COL3A1: variants seen among roughly 807,000 people sequenced by gnomAD.
COL3A1 encodes collagen alpha-1(III) chain.
Under a neutral mutation model 200.9 loss-of-function variants are expected in COL3A1, and 46 were observed. The ratio of observed to expected loss-of-function variants is 0.23; its 90% CI spans 0.18 to 0.29. The LOEUF (loss-of-function observed/expected upper bound fraction) is 0.29, where lower values mean the gene tolerates loss of function less well. COL3A1 is among the 10% of genes least tolerant of loss of function. The pLI is 1.00. For missense variants in COL3A1, 1,367 were observed against 1,917.6 expected (o/e 0.71, Z 5.36); for synonymous variants, 650 against 628.0 (o/e 1.03, Z -0.52).
chr2:189,005,694 GA>G lies in COL3A1; in HGVS notation c.3039+243del, dbSNP rs551600618. On this transcript the variant is annotated intron_variant, in intron 41 of 50. Coordinates refer to ENST00000304636, the MANE Select transcript of COL3A1 (RefSeq NM_000090.4). ...AAAATATTATCTCTAACTAAATTAG[GA>G]AAAAAGTTAGTGGGGAGAACCACAA... The G allele has an allele frequency of 7.4e-4, 393 of 527,786 alleles. 1 individual carries two copies. The highest frequency in any genetic ancestry group is 6.9e-3 in the African/African-American group (357 of 51,438). 32.7% of individuals were successfully genotyped at this position (527,786 alleles called of 1,614,324 possible). A position where few individuals can be genotyped will look rare whatever the true frequency, so the allele number is the denominator to read the frequency against.
At chr2:189,006,881 T>C in intron 43 of COL3A1, 56 bp from the exon 44 acceptor site, 1 of 1,554,816 alleles carries the variant, frequency 6.4e-7, no homozygotes, top group Non-Finnish European at 8.9e-7. Flanking sequence ...CGAAATTGTG[T>C]CAACACATAA....
At position 188,994,794 on chromosome 2, in the gene COL3A1, C is replaced by T; in HGVS notation, c.1418C>T (p.Pro473Leu). The change falls in exon 20 of 51, where the codon CCT becomes CTT. Residue 473 changes from proline to leucine, a missense_variant. This residue lies in a region of COL3A1 where 462 missense variants were observed against 681.4 expected (regional missense o/e 0.68). Transcript: ENST00000304636. The surrounding 1 kb of genome is among the most constrained non-coding windows in gnomAD (Gnocchi z 4.5). ...GGCAAGGATGGATCACCTGGAGAAC[C>T]TGGTGCAAATGGGCTTCCAGGAGCT... Reference protein sequence around the residue: ...EDGKDGSPGEPGANGLPGAAG... With the variant: ...EDGKDGSPGELGANGLPGAAG... 3 of 1,613,528 alleles carry T rather than the reference C, an allele frequency of 1.9e-6. No homozygotes were observed. The highest frequency in any genetic ancestry group is 2.5e-6 in the Non-Finnish European group (3 of 1,179,944).
Position 188,974,474 on chromosome 2 carries a change from T to A in COL3A1, c.-16T>A. 1.9e-6 allele frequency: 3 copies of A among 1,606,238 alleles called. No individual in the cohort carries two copies. Among genetic ancestry groups the A allele is most frequent in the Non-Finnish European group, 2.6e-6 (3 of 1,172,866 alleles). On this transcript the variant is annotated 5_prime_UTR_variant, in exon 1 of 51. An upstream start codon of the reference 5' UTR is lost. Transcript: ENST00000304636. ...TCTCCTTTTTGCACAAAGAGTCTCATGTCTGATATTTAGACATGATGAGCT... is the reference window on the plus strand; with the variant it reads ...TCTCCTTTTTGCACAAAGAGTCTCAAGTCTGATATTTAGACATGATGAGCT...
intron 40 of COL3A1, 49 bp from the exon 41 acceptor site, chr2:189,005,301 A>G: frequency 6.8e-7 from 1 of 1,473,450 alleles, no homozygotes; most frequent in Middle Eastern, 1.7e-4. Flanking sequence ...CACCATTTTA[A>G]TTGATTTCTT....
At chr2:188,995,488 A>G (rs1472267984) in intron 21 of COL3A1, 2 of 569,022 alleles carry the variant, frequency 3.5e-6, no homozygotes, top group Non-Finnish European at 6.3e-6. Context: ...TTTATTAAGC[A>G]TGTGATGTTC....
At chr2:188,978,071 T>C in intron 1 of COL3A1, 1 of 414,022 alleles carries the variant, frequency 2.4e-6, no homozygotes, top group Non-Finnish European at 4.8e-6. Flanking sequence ...CCTTGAAAAA[T>C]TTGGATTTTC....
At chr2:189,007,714 A>G (rs1376442453) in intron 45 of COL3A1, 107 bp downstream of exon 45, 3 of 1,243,130 alleles carry the variant, frequency 2.4e-6, no homozygotes, top group Non-Finnish European at 3.5e-6. Flanking sequence ...AGAGATGAGA[A>G]ATGGATTTGA....
At chr2:188,985,292 A>ATTCTAGTAAGAGTTTGCTTT in intron 3 of COL3A1, 45 bp downstream of exon 3, 1 of 1,483,944 alleles carries the variant, frequency 6.7e-7, no homozygotes, top group East Asian at 2.3e-5. Context: ...ACTAATGATA[A>ATTCTAGTAAGAGTTTGCTTT]TTCTAGTAAG....
At position 188,974,539 on chromosome 2, in the gene COL3A1, A is replaced by T. The variant is rs1311785540; in HGVS notation, c.50A>T (p.His17Leu). ...AGCTGGCTACTTCTCGCTCTGCTTCATCCCACTATTATTTTGGCACAACAG... is the reference window on the plus strand; with the variant it reads ...AGCTGGCTACTTCTCGCTCTGCTTCTTCCCACTATTATTTTGGCACAACAG... ...KGSWLLLALL[H>L]PTIILAQQEA... The change falls in exon 1 of 51, where the codon CAT becomes CTT. Residue 17 changes from histidine to leucine, a missense_variant. Physicochemically the swap from His to Leu is moderately conservative, Grantham distance 99. This residue lies in a region of COL3A1 where 55 missense variants were observed against 51.5 expected (regional missense o/e 1.07). Coordinates refer to ENST00000304636, the MANE Select transcript of COL3A1 (RefSeq NM_000090.4). The T allele has an allele frequency of 1.2e-6, 2 of 1,613,960 alleles. No individual in the cohort carries two copies. Among genetic ancestry groups the T allele is most frequent in the Non-Finnish European group, 1.7e-6 (2 of 1,179,954 alleles).
In COL3A1 at chr2:188,989,333, G is replaced by A; in HGVS notation, c.637-63G>A. On this transcript the variant is annotated intron_variant, in intron 7 of 50. Transcript: ENST00000304636. Reference sequence around the variant, plus strand: ...TTCCTTCCAGGAATACATACACTGTGTAATAATAAATTGTAACAGAAAAAT... The same window carrying A: ...TTCCTTCCAGGAATACATACACTGTATAATAATAAATTGTAACAGAAAAAT... The A allele has an allele frequency of 4.1e-6, 5 of 1,221,936 alleles. No homozygotes were observed. The Middle Eastern group carries it at 7.8e-4, about 192-fold the overall frequency. 75.7% of individuals were successfully genotyped at this position (1,221,936 alleles called of 1,614,324 possible).
chr2:188,976,727 A>G (rs1292735738), intron 1 of COL3A1, among the ~76,000 whole-genome samples: 1 of 152,158 alleles, frequency 6.6e-6, no homozygotes, highest in Admixed American at 6.5e-5. Flanking sequence ...CTCAAAAAGA[A>G]TTTTGGTCGT....
At chr2:188,983,103 A>T (rs1302916823) in intron 1 of COL3A1, among the ~76,000 whole-genome samples, 2 of 151,958 alleles carry the variant, frequency 1.3e-5, no homozygotes, top group Non-Finnish European at 2.9e-5. Flanking sequence ...ACTAAGAATT[A>T]AGAAATGCTG....
intron 29 of COL3A1, 49 bp from the exon 30 acceptor site, chr2:188,999,236 T>C: frequency 2.0e-6 from 3 of 1,515,240 alleles, no homozygotes; most frequent in Non-Finnish European, 2.7e-6. Context: ...GGTGCTTTGT[T>C]TTTAGCTTTG....
rs1688228440 is a variant in COL3A1, at chr2:188,993,355, C to A, written c.1051-6C>A. 1 of 1,563,702 alleles carries A rather than the reference C, an allele frequency of 6.4e-7. No homozygotes were observed. ...AGAAACTGACTACACAAGGTTTTAC[C>A]ATTAGGGTGAAGTTGGACCTGCAGG... On this transcript the variant is annotated splice_region_variant and splice_polypyrimidine_tract_variant and intron_variant, in intron 15 of 50. Transcript: ENST00000304636.
At chr2:188,975,620 A>G (rs1687792652) in intron 1 of COL3A1, among the ~76,000 whole-genome samples, 1 of 152,184 alleles carries the variant, frequency 6.6e-6, no homozygotes, top group Non-Finnish European at 1.5e-5. Context: ...CTGCATGAAA[A>G]TTTGGTTTTT....
chr2:189,007,096 A>AAAAT (rs1688603398), intron 44 of COL3A1, 106 bp downstream of exon 44: 3 of 223,842 alleles, frequency 1.3e-5, no homozygotes, highest in South Asian at 1.1e-4. Context: ...AAAAAGAATG[A>AAAAT]ATATATATAT....
At position 189,007,923 on chromosome 2, in the gene COL3A1, A is replaced by C; in HGVS notation, c.3402A>C (p.Gly1134=). 1 of 1,614,090 alleles carries C rather than the reference A, an allele frequency of 6.2e-7. No homozygotes were observed. The highest frequency in any genetic ancestry group is 8.5e-7 in the Non-Finnish European group (1 of 1,180,012). ...AGCAGGGTGCAATCGGCAGTCCAGG[A>C]CCTGCAGGCCCCAGAGTAAGTAGCA... ...AGQQGAIGSP[G]PAGPRGPVGP... The change falls in exon 46 of 51, where the codon GGA becomes GGC. Residue 1134 remains glycine, a synonymous_variant. Transcript: ENST00000304636.
intron 13 of COL3A1, 119 bp downstream of exon 13, chr2:188,991,841 T>C (rs1431776745): frequency 2.1e-6 from 2 of 958,762 alleles, no homozygotes; most frequent in Admixed American, 1.8e-5. Context: ...AAAATTATAC[T>C]CAATGATACT....
At chr2:189,007,151 TATAGATAGATGATAGATAGATAGATAG>T (rs1240736276) in intron 44 of COL3A1, among the ~76,000 whole-genome samples, 161 bp downstream of exon 44, 2 of 105,362 alleles carry the variant, frequency 1.9e-5, no homozygotes, top group African/African-American at 6.5e-5. Context: ...TTGTTCTATC[TATAGATAGATGATAGATAGATAGATAG>T]ATAGATAGAT....
Sources: allele counts gnomAD v4.1 joint callset (sites outside exome capture counted in the v4.1 genomes callset), GRCh38; gene constraint gnomAD v4.1.1; regional missense constraint gnomAD v4.1.1; non-coding constraint Gnocchi (gnomAD v3.1); transcripts MANE v1.5; gene names NCBI Gene and HGNC (gene_info 2026-07-23, HGNC 2026-07-21).